The following ADAR variants were observed in gnomAD, a reference collection of about 807,000 sequenced individuals.
ADAR encodes the protein adenosine deaminase RNA specific.
ADAR carries 41 observed loss-of-function variants against 113.2 expected under a neutral mutation model. The ratio of observed to expected loss-of-function variants is 0.36; its 90% CI spans 0.28 to 0.47. The LOEUF is 0.47. Ranked by LOEUF, ADAR falls within the 20% of genes least tolerant of loss-of-function variation. The pLI is 1.00. For missense variants in ADAR, 1,242 were observed against 1,540.9 expected (o/e 0.81, Z 3.25); for synonymous variants, 605 against 572.6 (o/e 1.06, Z -0.81).
chr1:154,608,829 G>GGC (rs906202827), upstream of ADAR: 1 of 93,246 alleles, frequency 1.1e-5, no homozygotes, highest in African/African-American at 7.4e-5. Flanking sequence ...CCAATGTGGA[G>GGC]GGGGGGGGGA....
intron 1 of ADAR, among the ~76,000 whole-genome samples, chr1:154,625,087 T>G (rs1483716779): frequency 6.6e-6 from 1 of 152,224 alleles, no homozygotes; most frequent in Non-Finnish European, 1.5e-5. Flanking sequence ...CCCAGCACAG[T>G]GTACCCATGA....
In ADAR at chr1:154,601,829, G is replaced by A. The variant is rs746752714; in HGVS notation, c.813C>T (p.Asn271=). 4 of 1,614,246 alleles carry A rather than the reference G, an allele frequency of 2.5e-6. No individual in the cohort carries two copies. The highest frequency in any genetic ancestry group is 3.4e-6 in the Non-Finnish European group (4 of 1,180,048). ...CTTCAGGTTCCAAACCTGGGTCTGA[G>A]TTTGGGGATCCTTGGCTATGACTGT... ...RPDSHSQGSP[N]SDPGLEPEDS... is the part of the protein sequence containing the mutation. Residue 271 remains asparagine (N), a synonymous_variant, in exon 2 of 15, where the codon AAC becomes AAT. Coordinates refer to ENST00000368474, the MANE Select transcript of ADAR (RefSeq NM_001111.5). The surrounding 1 kb of genome is among the most constrained non-coding windows in gnomAD (Gnocchi z 4.7).
In ADAR at chr1:154,622,481, T is replaced by G. The variant is rs149721158; in HGVS notation, c.-871+5374A>C. Among the ~76,000 whole-genome samples, 299 of 152,324 alleles carry G rather than the reference T, an allele frequency of 2.0e-3. 2 individuals are homozygous for G. Among genetic ancestry groups the G allele is most frequent in the African/African-American group, 6.9e-3 (288 of 41,568 alleles). ...TTTATAAAGGACTAAGAACAGTGCC[T>G]GTCACCTTGTAAGTGCTTAAATAAA... is the stretch of plus-strand genomic sequence containing the variant. On this transcript the variant is annotated intron_variant, in intron 1 of 14. Transcript: ENST00000368471.
At chr1:154,610,278 T>TATCTC (rs71586027), upstream of ADAR, among the ~76,000 whole-genome samples, 62,267 of 151,532 alleles carry the variant, frequency 0.41, 13,636 homozygotes, top group East Asian at 0.54. Flanking sequence ...TTATTTGTAA[T>TATCTC]TAATAGCCCC....
Position 154,588,288 on chromosome 1 carries a change from AC to A in ADAR, c.2886-31del, listed in dbSNP as rs571215942. 1,806 of 1,613,710 alleles carry A rather than the reference AC, an allele frequency of 1.1e-3. 1 individual carries two copies. The highest frequency in any genetic ancestry group is 2.7e-3 in the Middle Eastern group (16 of 6,020). Reference sequence around the variant, plus strand: ...AAAACAGGGGTGGCTGTTAAAACTCACCTGTGGGAAATCTGCAATTTCGTGG... The same window carrying A: ...AAAACAGGGGTGGCTGTTAAAACTCACTGTGGGAAATCTGCAATTTCGTGG... On this transcript the variant is annotated intron_variant, in intron 10 of 14. Transcript: ENST00000368474.
At chr1:154,593,156 A>C (rs975197005) in intron 6 of ADAR, among the ~76,000 whole-genome samples, 8 of 145,604 alleles carry the variant, frequency 5.5e-5, no homozygotes, top group Middle Eastern at 3.5e-3. Flanking sequence ...AAAAAAAAAA[A>C]CAGAAAAGAA....
At chr1:154,585,184 C>CT (rs760260332) in intron 14 of ADAR, 33 bp downstream of exon 14, 2 of 1,614,130 alleles carry the variant, frequency 1.2e-6, no homozygotes, top group Non-Finnish European at 1.7e-6. Context: ...AGGGCAGAGG[C>CT]TTGGTCCTCA....
Position 154,585,418 on chromosome 1 carries a change from C to T in ADAR, c.3316-74G>A. ...AAGATTCTGAAGCAGGGACTCAAGA[C>T]TCATAGGAGAGAGGAAGTGTGGGGT... On this transcript the variant is annotated intron_variant, in intron 13 of 14. Coordinates refer to ENST00000368474, the MANE Select transcript of ADAR (RefSeq NM_001111.5). 5.0e-6 allele frequency: 8 copies of T among 1,606,308 alleles called. No individual in the cohort carries two copies. The South Asian group carries it at 8.9e-5, about 18-fold the overall frequency.
At chr1:154,596,643 G>A (rs1470027203) in intron 6 of ADAR, among the ~76,000 whole-genome samples, 162 bp downstream of exon 6, 1 of 152,094 alleles carries the variant, frequency 6.6e-6, no homozygotes, top group African/African-American at 2.4e-5. Context: ...TTCACTCTTG[G>A]CAGGTCTATT....
At chr1:154,602,750 G>T in intron 1 of ADAR, 124 bp from the exon 2 acceptor site, 2 of 1,235,660 alleles carry the variant, frequency 1.6e-6, no homozygotes, top group Non-Finnish European at 2.2e-6. Flanking sequence ...TGAGCCATGG[G>T]CTTATGACTT....
chr1:154,602,239 T>A lies in ADAR; in HGVS notation c.403A>T (p.Ile135Phe), dbSNP rs1697932885. 6.2e-7 allele frequency: 1 copy of A among 1,614,100 alleles called. No homozygotes were observed. Among genetic ancestry groups the A allele is most frequent in the Admixed American group, 1.7e-5 (1 of 60,010 alleles). The change falls in exon 2 of 15, where the codon ATC becomes TTC. Residue 135 changes from isoleucine to phenylalanine, a missense_variant. By Grantham distance (21) the Ile-to-Phe change is conservative. Around this residue, in one of 2 missense-constraint regions of ADAR, gnomAD observed 462 missense variants for 483.1 expected, o/e 0.96. Transcript: ENST00000368474. ...CLSSHFQELSIYQDQEQRILK... is the reference protein window; with the variant it reads ...CLSSHFQELSFYQDQEQRILK... ...ATCCTTTGTTCCTGATCTTGGTAGA[T>A]ACTCAGTTCCTGGAAATGTGAGGAA...
chr1:154,585,339 G>C lies in ADAR; in HGVS notation c.3321C>G (p.Gly1107=). Residue 1107 remains glycine, a synonymous_variant, in exon 14 of 15, where the codon GGC becomes GGG. Coordinates refer to ENST00000368474, the MANE Select transcript of ADAR (RefSeq NM_001111.5). ...TTTTGGAATCATATATGCTGACTCT[G>C]CCAACCTAGGAATCCCAGAAGCAAC... The part of the protein sequence containing the change: ...HPFIVNHPKV[G]RVSIYDSKRQ... 6.2e-7 allele frequency: 1 copy of C among 1,614,098 alleles called. No homozygotes were observed. The highest frequency in any genetic ancestry group is 8.5e-7 in the Non-Finnish European group (1 of 1,180,026).
At position 154,598,114 on chromosome 1, in the gene ADAR, T is replaced by C. The variant is rs1571094466; in HGVS notation, c.1786-138A>G. 5.8e-6 allele frequency: 6 copies of C among 1,039,202 alleles called. No homozygotes were observed. In the East Asian group the frequency reaches 1.6e-4, roughly 27 times the overall value. The allele number at this position is 1,039,202 out of a possible 1,614,324, so 64.4% of individuals were successfully genotyped here. A position where few individuals can be genotyped will look rare whatever the true frequency, so the allele number is the denominator to read the frequency against. Reference sequence around the variant, plus strand: ...GGCTTCCCAAAGTTAAAGGGGCTGCTGGAGCTCTCATTCCGCATCTTCCAA... The same window carrying C: ...GGCTTCCCAAAGTTAAAGGGGCTGCCGGAGCTCTCATTCCGCATCTTCCAA... On this transcript the variant is annotated intron_variant, in intron 3 of 14. Coordinates refer to ENST00000368474, the MANE Select transcript of ADAR (RefSeq NM_001111.5).
rs760798104 is a variant in ADAR, at chr1:154,601,498, CAG to C, written c.1142_1143del (p.Pro381ArgfsTer12). 6.2e-7 allele frequency: 1 copy of C among 1,614,048 alleles called. No homozygotes were observed. Among genetic ancestry groups the C allele is most frequent in the South Asian group, 1.1e-5 (1 of 91,084 alleles). ...AGGAACTCTGCGTTTCTTTTGGTCTCAGGGATTGCAGCTGGAGCGGTTTCAGG... is the reference window on the plus strand; with the variant it reads ...AGGAACTCTGCGTTTCTTTTGGTCTCGGATTGCAGCTGGAGCGGTTTCAGG... The part of the protein sequence containing the change: ...SVPETAPAAI[P>X]ETKRNAEFLT... On this transcript the variant is annotated frameshift_variant, in exon 2 of 15. Transcript: ENST00000368474. LOFTEE classifies it high-confidence loss of function. The surrounding 1 kb of genome is among the most constrained non-coding windows in gnomAD (Gnocchi z 4.7).
chr1:154,588,300 TC>T, intron 10 of ADAR, 42 bp from the exon 11 acceptor site: 1 of 1,613,896 alleles, frequency 6.2e-7, no homozygotes. Flanking sequence ...CTGTGGGAAA[TC>T]TGCAATTTCG....
At chr1:154,606,190 C>T (rs1365251132) in intron 1 of ADAR, among the ~76,000 whole-genome samples, 2 of 152,068 alleles carry the variant, frequency 1.3e-5, no homozygotes, top group Non-Finnish European at 2.9e-5. Context: ...TACAGGCGCA[C>T]GCCACCACAC....
intron 6 of ADAR, among the ~76,000 whole-genome samples, chr1:154,596,046 C>T (rs977617367): frequency 2.6e-5 from 4 of 152,164 alleles, no homozygotes; most frequent in East Asian, 1.9e-4. Flanking sequence ...ACCATACAGC[C>T]TGTACGTGTG....
chr1:154,588,263 A>G lies in ADAR; in HGVS notation c.2886-5T>C, dbSNP rs201213195. On this transcript the variant is annotated splice_polypyrimidine_tract_variant and splice_region_variant and intron_variant, in intron 10 of 14. Transcript: ENST00000368474. Reference sequence around the variant, plus strand: ...CCATCTCCACACGGAGCAGTGCTGAAAAACAGGGGTGGCTGTTAAAACTCA... The same window carrying G: ...CCATCTCCACACGGAGCAGTGCTGAGAAACAGGGGTGGCTGTTAAAACTCA... 17 of 1,614,184 alleles carry G rather than the reference A, an allele frequency of 1.1e-5. No homozygotes were observed. The East Asian group carries it at 3.8e-4, about 36-fold the overall frequency.
At position 154,585,198 on chromosome 1, in the gene ADAR, C is replaced by CGCT. The variant is rs1696668900; in HGVS notation, c.3443+16_3443+18dup. 1 of 1,613,984 alleles carries CGCT rather than the reference C, an allele frequency of 6.2e-7. No individual in the cohort carries two copies. The highest frequency in any genetic ancestry group is 1.1e-5 in the South Asian group (1 of 91,068). On this transcript the variant is annotated intron_variant, in intron 14 of 14. Coordinates refer to ENST00000368474, the MANE Select transcript of ADAR (RefSeq NM_001111.5). ...CAGGGCAGAGGCTTGGTCCTCACTG[C>CGCT]GCTCTCCTGTCTCCTTACCCATCCA...
Sources: allele counts gnomAD v4.1 joint callset (sites outside exome capture counted in the v4.1 genomes callset), GRCh38; gene constraint gnomAD v4.1.1; regional missense constraint gnomAD v4.1.1; non-coding constraint Gnocchi (gnomAD v3.1); transcripts MANE v1.5; gene names NCBI Gene and HGNC (gene_info 2026-07-23, HGNC 2026-07-21).